The following SUGCT variants were observed in gnomAD, a reference collection of about 807,000 sequenced individuals.
SUGCT encodes succinyl-CoA:glutarate CoA-transferase.
SUGCT carries 41 observed loss-of-function variants against 55.0 expected under a neutral mutation model. The ratio of observed to expected loss-of-function variants is 0.74; its 90% CI spans 0.58 to 0.97. The LOEUF is 0.97. SUGCT is among the 50% of genes least tolerant of loss of function. The pLI is 0.00. For synonymous variants in SUGCT, 187 were observed against 200.4 expected (o/e 0.93, Z 0.56); for missense variants, 568 against 547.8 (o/e 1.04, Z -0.37).
intron 8 of SUGCT, among the ~76,000 whole-genome samples, chr7:40,309,300 G>GT (rs70996902): frequency 0.52 from 77,396 of 149,884 alleles, 21,448 homozygotes; most frequent in Non-Finnish European, 0.63. Context: ...TGATATCAGT[G>GT]TTTTTTTTTT....
At chr7:40,399,531 C>A (rs184970251) in intron 9 of SUGCT, among the ~76,000 whole-genome samples, 41 of 152,198 alleles carry the variant, frequency 2.7e-4, no homozygotes, top group African/African-American at 9.9e-4. Flanking sequence ...AGGGTGGTCA[C>A]CAGGAGATTG....
intron 8 of SUGCT, among the ~76,000 whole-genome samples, chr7:40,282,154 A>G (rs1401799581): frequency 1.3e-5 from 2 of 149,838 alleles, no homozygotes; most frequent in Non-Finnish European, 3.0e-5. Flanking sequence ...CCTATTGTGT[A>G]TTGTGGCACC....
chr7:40,709,882 T>G (rs1785619761), intron 12 of SUGCT, among the ~76,000 whole-genome samples: 1 of 152,214 alleles, frequency 6.6e-6, no homozygotes, highest in Admixed American at 6.5e-5. Context: ...GCTCAAAGAT[T>G]AATTTCAATA....
chr7:40,219,282 C>T (rs942884122), intron 6 of SUGCT, among the ~76,000 whole-genome samples: 2 of 152,244 alleles, frequency 1.3e-5, no homozygotes, highest in Non-Finnish European at 1.5e-5. Context: ...GTAACACTCA[C>T]CGCGAGGGTC....
At chr7:40,177,325 C>G (rs1784973531) in intron 1 of SUGCT, among the ~76,000 whole-genome samples, 2 of 151,702 alleles carry the variant, frequency 1.3e-5, no homozygotes, top group South Asian at 4.2e-4. Flanking sequence ...TACCTTGCTT[C>G]TGCTCCCTGC....
chr7:40,799,789 TG>T (rs1361433735), intron 13 of SUGCT, among the ~76,000 whole-genome samples: 1 of 152,202 alleles, frequency 6.6e-6, no homozygotes, highest in East Asian at 1.9e-4. Context: ...GCCTTATCCT[TG>T]GCACTAGCCT....
chr7:40,598,717 A>T (rs1364869712), intron 12 of SUGCT, among the ~76,000 whole-genome samples: 1 of 152,194 alleles, frequency 6.6e-6, no homozygotes, highest in Non-Finnish European at 1.5e-5. Context: ...ATATTATTTG[A>T]GAAAACCAGG....
chr7:40,505,098 G>A lies in SUGCT; in HGVS notation c.1089+8712G>A, dbSNP rs544834055. Among the ~76,000 whole-genome samples, 11 of 152,156 alleles carry A rather than the reference G, an allele frequency of 7.2e-5. No homozygotes were observed. In the South Asian group the frequency reaches 8.3e-4, roughly 11 times the overall value. ...AGATGTCTATTTGGTCCCTTTGTCT[G>A]TCTTACCAGTATGAAGGTATCTCTA... On this transcript the variant is annotated intron_variant, in intron 12 of 13. Coordinates refer to ENST00000335693, the MANE Select transcript of SUGCT (RefSeq NM_001193313.2).
the SUGCT span, among the ~76,000 whole-genome samples, chr7:40,916,471 C>T: frequency 1.3e-5 from 2 of 152,120 alleles, no homozygotes; most frequent in African/African-American, 4.8e-5. Flanking sequence ...GAGCTTCTGA[C>T]ATCTTGTGAG....
intron 11 of SUGCT, among the ~76,000 whole-genome samples, chr7:40,469,989 C>G (rs1790321076): frequency 6.6e-6 from 1 of 152,110 alleles, no homozygotes; most frequent in South Asian, 2.1e-4. Context: ...AAATTTAACC[C>G]CTTCCTAAAT....
At chr7:40,704,565 C>T (rs1159129953) in intron 12 of SUGCT, among the ~76,000 whole-genome samples, 1 of 152,086 alleles carries the variant, frequency 6.6e-6, no homozygotes, top group East Asian at 1.9e-4. Flanking sequence ...CCAGACCTGA[C>T]CCAGCATGAG....
At chr7:40,425,935 A>G (rs1426858115) in intron 9 of SUGCT, among the ~76,000 whole-genome samples, 1 of 152,140 alleles carries the variant, frequency 6.6e-6, no homozygotes, top group Non-Finnish European at 1.5e-5. Context: ...TGTTTCCTCA[A>G]CAGTAAATTT....
intron 12 of SUGCT, among the ~76,000 whole-genome samples, chr7:40,674,431 TG>T (rs1802091324): frequency 1.3e-5 from 2 of 152,222 alleles, no homozygotes; most frequent in Admixed American, 1.3e-4. Context: ...TGTCCTTCCC[TG>T]GCTCTCTACT....
intron 8 of SUGCT, among the ~76,000 whole-genome samples, chr7:40,296,324 C>T (rs772586912): frequency 6.6e-5 from 10 of 152,136 alleles, no homozygotes; most frequent in Non-Finnish European, 1.0e-4. Flanking sequence ...TGAACACGTG[C>T]TTCACCTACT....
intron 12 of SUGCT, among the ~76,000 whole-genome samples, chr7:40,497,830 CCAAAG>C (rs1792068693): frequency 6.6e-6 from 1 of 151,660 alleles, no homozygotes; most frequent in African/African-American, 2.4e-5. Context: ...GATGAAGGCA[CCAAAG>C]CAAAGAGTTA....
chr7:40,169,308 T>C lies in SUGCT; in HGVS notation c.101-11639T>C, dbSNP rs145020502. Among the ~76,000 whole-genome samples, 220 of 152,250 alleles carry C rather than the reference T, an allele frequency of 1.4e-3. 1 individual carries two copies. The East Asian group carries it at 0.018, about 13-fold the overall frequency. ...AGAAGTATCTAGTGACTGCCTGTCC[T>C]AGGACCCCTAGGATAGTGACAGATC... On this transcript the variant is annotated intron_variant, in intron 1 of 13. Transcript: ENST00000335693.
chr7:40,248,621 G>A (rs1790074718), intron 7 of SUGCT, among the ~76,000 whole-genome samples: 1 of 151,666 alleles, frequency 6.6e-6, no homozygotes, highest in African/African-American at 2.4e-5. Context: ...AGGCTGGAGT[G>A]CAGTGGTGAG....
At chr7:40,420,243 T>C (rs930078992) in intron 9 of SUGCT, among the ~76,000 whole-genome samples, 1 of 152,168 alleles carries the variant, frequency 6.6e-6, no homozygotes. Context: ...GAAAGTGTCT[T>C]GAGAGTGGCA....
chr7:40,422,079 CTTT>C (rs557413958), intron 9 of SUGCT, among the ~76,000 whole-genome samples: 3 of 130,208 alleles, frequency 2.3e-5, no homozygotes, highest in Admixed American at 8.3e-5. Context: ...CTGTTTGTAC[CTTT>C]TTTTTTTTTT....
Sources: allele counts gnomAD v4.1 joint callset (sites outside exome capture counted in the v4.1 genomes callset), GRCh38; gene constraint gnomAD v4.1.1; transcripts MANE v1.5; gene names NCBI Gene and HGNC (gene_info 2026-07-23, HGNC 2026-07-21).